The following FEZ2 variants were observed in gnomAD, a reference collection of about 807,000 sequenced individuals.
FEZ2 encodes the protein fasciculation and elongation protein zeta-2.
A neutral mutation model predicts 40.4 loss-of-function variants in FEZ2; 51 were observed. The ratio of observed to expected loss-of-function variants is 1.26; its 90% CI spans 1.01 to 1.59. The LOEUF is 1.59. FEZ2 is among the 40% of genes most tolerant of loss of function. The pLI is 0.00. For synonymous variants in FEZ2, 242 were observed against 172.0 expected, an observed-to-expected ratio of 1.41 and a Z score of -3.18; for missense variants, 640 against 438.3, an observed-to-expected ratio of 1.46 and a Z score of -4.11.
At chr2:36,561,614 A>C (rs953793909) in intron 5 of FEZ2, 2 of 152,202 alleles carry the variant, frequency 1.3e-5, no homozygotes, top group South Asian at 2.1e-4. Flanking sequence ...ATTTGTAACC[A>C]GTCTACAATG....
intron 7 of FEZ2, among the ~76,000 whole-genome samples, chr2:36,554,728 T>C (rs990884099): frequency 1.3e-5 from 2 of 152,226 alleles, no homozygotes; most frequent in Non-Finnish European, 2.9e-5. Context: ...AAATGTGTGA[T>C]TCACTTTGAG....
intron 1 of FEZ2, 30 bp from the exon 2 acceptor site, chr2:36,591,041 A>G (rs747215425): frequency 6.4e-5 from 83 of 1,302,826 alleles, no homozygotes; most frequent in Non-Finnish European, 9.0e-5. Context: ...CAATCAATGA[A>G]AATTAACATT....
chr2:36,569,789 T>C (rs748719320), intron 5 of FEZ2, among the ~76,000 whole-genome samples: 1 of 152,164 alleles, frequency 6.6e-6, no homozygotes, highest in Non-Finnish European at 1.5e-5. Context: ...GGTACAGATT[T>C]CTAACTGGCC....
At chr2:36,588,097 C>G (rs1331963891) in intron 2 of FEZ2, among the ~76,000 whole-genome samples, 2 of 151,980 alleles carry the variant, frequency 1.3e-5, no homozygotes, top group African/African-American at 4.8e-5. Flanking sequence ...GGCGTGATCT[C>G]GGCGCACTGC....
intron 5 of FEZ2, chr2:36,560,781 G>A (rs766145457): frequency 1.2e-5 from 19 of 1,579,324 alleles, no homozygotes. Flanking sequence ...GGATAACCGA[G>A]CACCTGTTTC....
At chr2:36,554,157 GA>G in intron 7 of FEZ2, 1 of 470,320 alleles carries the variant, frequency 2.1e-6, no homozygotes, top group Non-Finnish European at 4.4e-6. Flanking sequence ...AGTATAGATA[GA>G]ACTGGGCTTA....
At position 36,558,485 on chromosome 2, in the gene FEZ2, T is replaced by C. The variant is rs1286312629; in HGVS notation, c.932A>G (p.Lys311Arg). The C allele has an allele frequency of 2.0e-6, 3 of 1,528,462 alleles. No homozygotes were observed. Among genetic ancestry groups the C allele is most frequent in the Non-Finnish European group, 2.6e-6 (3 of 1,134,188 alleles). 94.7% of individuals were successfully genotyped at this position (1,528,462 alleles called of 1,614,324 possible). ...TYLTTVIPYE[K>R]KNGPPSVEDL... ...TTCAACAGACGGTGGTCCGTTTTTT[T>C]TCTCATAAGGAATGACTGTAGTCAA... Residue 311 changes from lysine to arginine, a missense_variant, in exon 6 of 8, where the codon AAA (lysine) becomes AGA (arginine). Transcript: ENST00000405912.
At chr2:36,586,231 G>A (rs1032439193) in intron 2 of FEZ2, among the ~76,000 whole-genome samples, 9 of 152,106 alleles carry the variant, frequency 5.9e-5, no homozygotes, top group South Asian at 4.1e-4. Flanking sequence ...CTTACACTTC[G>A]AACACTTCAC....
intron 5 of FEZ2, among the ~76,000 whole-genome samples, chr2:36,570,769 T>C (rs1668385498): frequency 6.6e-6 from 1 of 152,240 alleles, no homozygotes. Flanking sequence ...TAAGTATTTG[T>C]GTATCTAAAT....
In FEZ2 at chr2:36,555,708, G is replaced by A; in HGVS notation, c.1020C>T (p.Ser340=). The change falls in exon 7 of 8, where the codon AGC becomes AGT. Residue 340 remains serine, a synonymous_variant. Transcript: ENST00000405912. The part of the protein sequence containing the change: ...AMKEDSEKVP[S]LLTDYILKVL... ...CTTTCAGAATATAATCAGTTAACAA[G>A]CTCGGAACTTTTTCACTGTCCTCCT... 1 of 1,597,414 alleles carries A rather than the reference G, an allele frequency of 6.3e-7. No individual in the cohort carries two copies. The highest frequency in any genetic ancestry group is 8.5e-7 in the Non-Finnish European group (1 of 1,172,120).
intron 1 of FEZ2, among the ~76,000 whole-genome samples, chr2:36,592,496 T>C (rs1349104318): frequency 6.6e-6 from 1 of 152,042 alleles, no homozygotes; most frequent in Non-Finnish European, 1.5e-5. Flanking sequence ...ACATCCCAAA[T>C]GATGTTTGGC....
At chr2:36,572,898 C>G (rs1251767112) in intron 5 of FEZ2, among the ~76,000 whole-genome samples, 3 of 152,082 alleles carry the variant, frequency 2.0e-5, no homozygotes, top group Non-Finnish European at 4.4e-5. Flanking sequence ...GAGTGTATAT[C>G]ATCTAAGCCC....
chr2:36,566,940 G>A (rs1406357347), intron 5 of FEZ2, among the ~76,000 whole-genome samples: 3 of 140,312 alleles, frequency 2.1e-5, no homozygotes, highest in East Asian at 4.7e-4. Flanking sequence ...ACACACATAC[G>A]CATAGACACA....
chr2:36,553,143 C>T lies in FEZ2; in HGVS notation c.*20G>A. On this transcript the variant is annotated 3_prime_UTR_variant, in exon 8 of 8. Coordinates refer to ENST00000405912, the MANE Select transcript of FEZ2 (RefSeq NM_005102.3). The stretch of plus-strand genomic sequence containing the variant: ...TGTCGGAAATCTAGCTTGGAGCCCA[C>T]CGCAGATAAAGTTGCTGCTCTATGT... The T allele has an allele frequency of 6.4e-7, 1 of 1,563,680 alleles. No individual in the cohort carries two copies. Among genetic ancestry groups the T allele is most frequent in the South Asian group, 1.2e-5 (1 of 84,820 alleles).
At chr2:36,593,384 C>A (rs1328003768) in intron 1 of FEZ2, among the ~76,000 whole-genome samples, 1 of 152,116 alleles carries the variant, frequency 6.6e-6, no homozygotes, top group African/African-American at 2.4e-5. Flanking sequence ...ACTGCCCTAG[C>A]AGAGGTTCTC....
intron 7 of FEZ2, among the ~76,000 whole-genome samples, chr2:36,554,765 C>T (rs978530096): frequency 6.6e-6 from 1 of 152,258 alleles, no homozygotes; most frequent in East Asian, 1.9e-4. Flanking sequence ...CTGAGGTTCC[C>T]CTTTCATGAC....
chr2:36,579,703 T>C (rs1468405330), intron 4 of FEZ2, among the ~76,000 whole-genome samples: 3 of 152,092 alleles, frequency 2.0e-5, no homozygotes, highest in African/African-American at 7.2e-5. Context: ...TTAAACCTCT[T>C]TTCGTATAAA....
intron 5 of FEZ2, among the ~76,000 whole-genome samples, chr2:36,563,172 A>G (rs975896934): frequency 6.6e-6 from 1 of 152,260 alleles, no homozygotes; most frequent in Non-Finnish European, 1.5e-5. Context: ...AGCCATCTCA[A>G]CTACTGACAG....
At chr2:36,580,636 A>C (rs111644638) in intron 4 of FEZ2, among the ~76,000 whole-genome samples, 2 of 152,226 alleles carry the variant, frequency 1.3e-5, no homozygotes, top group Non-Finnish European at 2.9e-5. Flanking sequence ...TATTTGTACA[A>C]ACAGGAATTG....
Sources: gnomAD v4.1 joint callset for allele counts (sites outside exome capture counted in the v4.1 genomes callset) on GRCh38, gnomAD v4.1.1 for gene constraint, MANE v1.5 for transcripts, NCBI Gene and HGNC (gene_info 2026-07-23, HGNC 2026-07-21) for gene names.